CORO1B: variants seen among roughly 807,000 people sequenced by gnomAD.
CORO1B encodes the protein coronin-1B.
In CORO1B, 30 loss-of-function variants were observed where a neutral mutation model predicts 51.1. The observed-to-expected ratio is 0.59, with a 90% CI of 0.44 to 0.80. The LOEUF (loss-of-function observed/expected upper bound fraction) is 0.80, where lower values mean the gene tolerates loss of function less well. Among genes scored for constraint, CORO1B ranks in the 30% least tolerant of loss-of-function variants. The probability of loss-of-function intolerance (pLI) is 0.00; values close to 1 mark genes in which losing one functional copy is unlikely to be tolerated. For synonymous variants in CORO1B, 310 were observed against 289.7 expected (o/e 1.07, Z -0.71); for missense variants, 648 against 700.4 (o/e 0.93, Z 0.84).
At chr11:67,442,392 G>T in intron 2 of CORO1B, 36 bp downstream of exon 2, 1 of 1,602,598 alleles carries the variant, frequency 6.2e-7, no homozygotes, top group Non-Finnish European at 8.5e-7. Context: ...GGGTGGCCGA[G>T]GTGCCTCCTC....
chr11:67,443,648 C>T, upstream of CORO1B: 5 of 847,294 alleles, frequency 5.9e-6, no homozygotes, highest in Non-Finnish European at 5.7e-6. Context: ...TTCCTAGGAC[C>T]CGGTGGAGCG....
chr11:67,442,110 C>T (rs773299865), intron 2 of CORO1B, 22 bp from the exon 3 acceptor site: 6 of 1,604,592 alleles, frequency 3.7e-6, no homozygotes, highest in Admixed American at 1.7e-5. Flanking sequence ...AGGGGGCAGT[C>T]AGTGGGCTCC....
intron 4 of CORO1B, 72 bp from the exon 5 acceptor site, chr11:67,441,586 A>G (rs773387147): frequency 2.5e-5 from 39 of 1,560,374 alleles, no homozygotes; most frequent in Non-Finnish European, 3.0e-5. Flanking sequence ...GCTGAGGCCC[A>G]CTCTGCCCAC....
chr11:67,441,071 T>A (rs570408308), intron 6 of CORO1B, 54 bp downstream of exon 6: 1 of 1,611,960 alleles, frequency 6.2e-7, no homozygotes, highest in Admixed American at 1.7e-5. Flanking sequence ...CCTGCCTGCC[T>A]GGCCCAGGGT....
chr11:67,437,840 G>A lies in CORO1B; in HGVS notation c.*536C>T, dbSNP rs146337170. 1.0e-3 allele frequency: 414 copies of A among 408,748 alleles called. 5 individuals carry two copies. Among genetic ancestry groups the A allele is most frequent in the African/African-American group, 7.2e-3 (351 of 48,874 alleles). 25.3% of individuals were successfully genotyped at this position (408,748 alleles called of 1,614,324 possible). A position where few individuals can be genotyped will look rare whatever the true frequency, so the allele number is the denominator to read the frequency against. On this transcript the variant is annotated 3_prime_UTR_variant, in exon 11 of 11. Coordinates refer to ENST00000341356, the MANE Select transcript of CORO1B (RefSeq NM_020441.3). ...GCTGCCGGGCCTGTCCTCCAAGGAA[G>A]AAGCAGCACCAACTTGAAGCTGGAT...
At position 67,438,155 on chromosome 11, in the gene CORO1B, C is replaced by CA. The variant is rs1008292987; in HGVS notation, c.*220dup. On this transcript the variant is annotated 3_prime_UTR_variant, in exon 11 of 11. Coordinates refer to ENST00000341356, the MANE Select transcript of CORO1B (RefSeq NM_020441.3). ...GGCAGTGGTCGGGGAGATGGTCCCTCAGAGGTCGAGGAGCTCGCCTGGGCG... is the reference window on the plus strand; with the variant it reads ...GGCAGTGGTCGGGGAGATGGTCCCTCAAGAGGTCGAGGAGCTCGCCTGGGCG... 1.8e-4 allele frequency: 89 copies of CA among 505,020 alleles called. No individual in the cohort carries two copies. Among genetic ancestry groups the CA allele is most frequent in the Non-Finnish European group, 3.4e-5 (10 of 294,030 alleles). The allele number at this position is 505,020 out of a possible 1,614,324, so 31.3% of individuals were successfully genotyped here.
intron 8 of CORO1B, 108 bp from the exon 9 acceptor site, chr11:67,439,951 G>T: frequency 7.0e-7 from 1 of 1,431,438 alleles, no homozygotes; most frequent in Non-Finnish European, 9.4e-7. Flanking sequence ...GACCTCCGCA[G>T]GCCGACCCCT....
chr11:67,438,610 A>ACACAGCAGGCCAGGGC (rs1359326350), intron 10 of CORO1B, 61 bp downstream of exon 10: 1 of 1,522,894 alleles, frequency 6.6e-7, no homozygotes, highest in Non-Finnish European at 8.8e-7. Context: ...GCTGAAGCCC[A>ACACAGCAGGCCAGGGC]CACAGCAGGC....
rs765283562 is a variant in CORO1B at position 67,435,899 on chromosome 11, T to C, written c.*2477A>G. 1 of 1,612,448 alleles carries C rather than the reference T, an allele frequency of 6.2e-7. No homozygotes were observed. The highest frequency in any genetic ancestry group is 8.5e-7 in the Non-Finnish European group (1 of 1,179,598). ...GACCAGGTCGCCCTCCGTGTCACTG[T>C]CTCTGGCTTCCTCAGCCCGCACGGG... On this transcript the variant is annotated 3_prime_UTR_variant, in exon 11 of 11. Transcript: ENST00000341356.
rs1565154321 is a variant in CORO1B, at chr11:67,442,605, C to CCGGA, written c.20_23dup (p.Gln9ProfsTer20). On this transcript the variant is annotated frameshift_variant, in exon 2 of 11. Transcript: ENST00000341356. LOFTEE classifies it high-confidence loss of function. ...CGAACACATGCCGGAATTTGCTCTG[C>CCGGA]CGGACCACTTTGCGGAAGGACATGT... The CCGGA allele has an allele frequency of 6.2e-7, 1 of 1,613,592 alleles. No individual in the cohort carries two copies. The highest frequency in any genetic ancestry group is 8.5e-7 in the Non-Finnish European group (1 of 1,180,008).
At position 67,438,963 on chromosome 11, in the gene CORO1B, CG is replaced by C; in HGVS notation, c.1066-15del. The C allele has an allele frequency of 2.5e-6, 4 of 1,591,856 alleles. No individual in the cohort carries two copies. The highest frequency in any genetic ancestry group is 1.7e-5 in the Admixed American group (1 of 58,964). On this transcript the variant is annotated splice_polypyrimidine_tract_variant and intron_variant, in intron 9 of 10. Transcript: ENST00000341356. The stretch of plus-strand genomic sequence containing the variant: ...GAAGAGGTCCGACTGGGCAGGGGGC[CG>C]GGGAGGTCAGGATCAGTTAGGAGGC...
intron 1 of CORO1B, 57 bp downstream of exon 1, chr11:67,443,347 C>T (rs997503543): frequency 2.2e-5 from 9 of 416,492 alleles, no homozygotes; most frequent in Non-Finnish European, 2.9e-5. Context: ...AGCCCGGCCC[C>T]TGCAGCCCCG....
At chr11:67,439,412 CCT>C (rs1864353027) in intron 9 of CORO1B, among the ~76,000 whole-genome samples, 1 of 152,240 alleles carries the variant, frequency 6.6e-6, no homozygotes, top group African/African-American at 2.4e-5. Context: ...ACTCCTTGTT[CCT>C]CTCTCCATTC....
chr11:67,435,569 G>T lies in CORO1B; in HGVS notation c.*2807C>A. 9.2e-7 allele frequency: 1 copy of T among 1,082,338 alleles called. No individual in the cohort carries two copies. 67.0% of individuals were successfully genotyped at this position (1,082,338 alleles called of 1,614,324 possible). ...CTGATGCCTGTGGTTGGGGGGGGCCGTTCCCGTGGTGAGCGGGGTACACAT... is the reference window on the plus strand; with the variant it reads ...CTGATGCCTGTGGTTGGGGGGGGCCTTTCCCGTGGTGAGCGGGGTACACAT... On this transcript the variant is annotated 3_prime_UTR_variant, in exon 11 of 11. Transcript: ENST00000341356.
rs1355185762 is a variant in CORO1B at position 67,437,784 on chromosome 11, G to C, written c.*592C>G. 2 of 645,948 alleles carry C rather than the reference G, an allele frequency of 3.1e-6. No individual in the cohort carries two copies. The highest frequency in any genetic ancestry group is 4.5e-6 in the Non-Finnish European group (2 of 442,990). 40.0% of individuals were successfully genotyped at this position (645,948 alleles called of 1,614,324 possible). ...GCTGCAGGACCCCTGGTCCACACCA[G>C]ACCCTCCCCAGTCTCTCTGGAGGAG... On this transcript the variant is annotated 3_prime_UTR_variant, in exon 11 of 11. Coordinates refer to ENST00000341356, the MANE Select transcript of CORO1B (RefSeq NM_020441.3).
In CORO1B at chr11:67,438,317, G is replaced by C. The variant is rs540381129; in HGVS notation, c.*59C>G. On this transcript the variant is annotated 3_prime_UTR_variant, in exon 11 of 11. Coordinates refer to ENST00000341356, the MANE Select transcript of CORO1B (RefSeq NM_020441.3). ...CCAGCTAGCCCGGTGCGACCCGCTG[G>C]CAGAAGCTGAGTGGGAAGGGGGCGG... 44 of 1,550,116 alleles carry C rather than the reference G, an allele frequency of 2.8e-5. No homozygotes were observed. In the South Asian group the frequency reaches 4.9e-4, roughly 17 times the overall value.
Position 67,436,091 on chromosome 11 carries a change from C to T in CORO1B, c.*2285G>A. ...CTCAGCTCGGGCCTGCAGCCAGCGA[C>T]CTGGGGGGCTGGCCCAGAGCAGGCG... On this transcript the variant is annotated 3_prime_UTR_variant, in exon 11 of 11. Transcript: ENST00000341356. 2.5e-6 allele frequency: 4 copies of T among 1,610,948 alleles called. No individual in the cohort carries two copies. The highest frequency in any genetic ancestry group is 1.1e-5 in the South Asian group (1 of 90,734).
chr11:67,437,691 T>G lies in CORO1B; in HGVS notation c.*685A>C, dbSNP rs1864314790. ...TGTGTCGAGCGAGAAGTGAGCTCAGTGCTCGTCTGCAGTGAAGGGTGGCCC... is the reference window on the plus strand; with the variant it reads ...TGTGTCGAGCGAGAAGTGAGCTCAGGGCTCGTCTGCAGTGAAGGGTGGCCC... On this transcript the variant is annotated 3_prime_UTR_variant, in exon 11 of 11. Coordinates refer to ENST00000341356, the MANE Select transcript of CORO1B (RefSeq NM_020441.3). 4 of 1,332,514 alleles carry G rather than the reference T, an allele frequency of 3.0e-6. No individual in the cohort carries two copies. Among genetic ancestry groups the G allele is most frequent in the Non-Finnish European group, 3.9e-6 (4 of 1,031,280 alleles). The allele number at this position is 1,332,514 out of a possible 1,614,324, so 82.5% of individuals were successfully genotyped here.
chr11:67,443,119 G>A (rs1442461295), intron 1 of CORO1B, among the ~76,000 whole-genome samples: 1 of 152,206 alleles, frequency 6.6e-6, no homozygotes, highest in African/African-American at 2.4e-5. Context: ...AGGGAGCCCC[G>A]GCATGGCCCC....
Sources: gnomAD v4.1 joint callset for allele counts (sites outside exome capture counted in the v4.1 genomes callset) on GRCh38, gnomAD v4.1.1 for gene constraint, MANE v1.5 for transcripts, NCBI Gene and HGNC (gene_info 2026-07-23, HGNC 2026-07-21) for gene names.